The following LHFPL3 variants were observed in gnomAD, a reference collection of about 807,000 sequenced individuals.
LHFPL3 encodes LHFPL tetraspan subfamily member 3, also known as LHFPL tetraspan subfamily member 3 protein.
A neutral mutation model predicts 19.3 loss-of-function variants in LHFPL3; 5 were observed. The observed-to-expected ratio is 0.26, with a 90% CI of 0.14 to 0.54. The LOEUF is 0.54. LHFPL3 is among the 20% of genes least tolerant of loss of function. The pLI, the probability that LHFPL3 is intolerant of heterozygous loss-of-function variation, is 0.94. For missense variants in LHFPL3, 249 were observed against 307.4 expected, an observed-to-expected ratio of 0.81 and a Z score of 1.42; for synonymous variants, 133 against 126.2, an observed-to-expected ratio of 1.05 and a Z score of -0.36.
chr7:104,862,040 G>A (rs1024923322), intron 2 of LHFPL3, among the ~76,000 whole-genome samples: 3 of 152,092 alleles, frequency 2.0e-5, no homozygotes, highest in Admixed American at 6.5e-5. Context: ...TCTGGCAAGC[G>A]ATGCTGCCGA....
At chr7:104,532,549 G>C (rs1322066697) in intron 1 of LHFPL3, among the ~76,000 whole-genome samples, 1 of 151,702 alleles carries the variant, frequency 6.6e-6, no homozygotes, top group Admixed American at 6.6e-5. Flanking sequence ...TTCTCCCTCT[G>C]ACCCTGGGGA....
chr7:104,433,223 C>G (rs1249615126), intron 1 of LHFPL3, among the ~76,000 whole-genome samples: 1 of 152,158 alleles, frequency 6.6e-6, no homozygotes, highest in Non-Finnish European at 1.5e-5. Flanking sequence ...GCCATCAGAA[C>G]AGACCAATGA....
At chr7:104,608,552 C>T (rs971485500) in intron 1 of LHFPL3, among the ~76,000 whole-genome samples, 6 of 150,454 alleles carry the variant, frequency 4.0e-5, no homozygotes, top group South Asian at 2.1e-4. Flanking sequence ...TGCTAAATGA[C>T]GAGTTAATGG....
intron 1 of LHFPL3, among the ~76,000 whole-genome samples, chr7:104,526,450 T>G (rs1241222398): frequency 6.6e-6 from 1 of 152,226 alleles, no homozygotes; most frequent in South Asian, 2.1e-4. Flanking sequence ...ATCCAAGCTC[T>G]GTAGTTACAA....
At chr7:104,861,516 G>A (rs934212818) in intron 2 of LHFPL3, among the ~76,000 whole-genome samples, 1 of 152,136 alleles carries the variant, frequency 6.6e-6, no homozygotes, top group African/African-American at 2.4e-5. Flanking sequence ...AACCTTGGAG[G>A]ATGACAGGGC....
At chr7:104,882,665 G>T (rs1192241861) in intron 2 of LHFPL3, among the ~76,000 whole-genome samples, 1 of 152,170 alleles carries the variant, frequency 6.6e-6, no homozygotes, top group Non-Finnish European at 1.5e-5. Flanking sequence ...CTGACAGTAG[G>T]TATGGGGTTT....
At chr7:104,787,904 G>A (rs1208179234) in intron 2 of LHFPL3, among the ~76,000 whole-genome samples, 1 of 152,094 alleles carries the variant, frequency 6.6e-6, no homozygotes, top group African/African-American at 2.4e-5. Context: ...ACCTCCCAAG[G>A]CCCACCCCCT....
chr7:104,800,853 A>G (rs539595502), intron 2 of LHFPL3, among the ~76,000 whole-genome samples: 1 of 152,180 alleles, frequency 6.6e-6, no homozygotes, highest in Non-Finnish European at 1.5e-5. Flanking sequence ...ACAGGAGGCA[A>G]AGTGCAATAA....
intron 1 of LHFPL3, among the ~76,000 whole-genome samples, chr7:104,688,402 T>C (rs2116121656): frequency 6.6e-6 from 1 of 152,198 alleles, no homozygotes; most frequent in East Asian, 1.9e-4. Flanking sequence ...GAAAGGGAAA[T>C]GCTCAGTCTT....
Position 104,817,994 on chromosome 7 carries a change from C to T in LHFPL3, c.682+81083C>T, listed in dbSNP as rs552985329. Among the ~76,000 whole-genome samples, 74 of 152,168 alleles carry T rather than the reference C, an allele frequency of 4.9e-4. 1 individual carries two copies. Among genetic ancestry groups the T allele is most frequent in the African/African-American group, 1.6e-3 (65 of 41,446 alleles). ...ACATTTCAAGTGCTCCATAGGTACA[C>T]GTGACTAGTGTCTACCGTATTGGAC... On this transcript the variant is annotated intron_variant, in intron 2 of 2. Transcript: ENST00000424859.
chr7:104,795,847 C>T lies in LHFPL3; in HGVS notation c.682+58936C>T, dbSNP rs531900152. Among the ~76,000 whole-genome samples the T allele has an allele frequency of 2.0e-5, 3 of 152,292 alleles. No homozygotes were observed. The East Asian group carries it at 5.8e-4, about 29-fold the overall frequency. On this transcript the variant is annotated intron_variant, in intron 2 of 2. Coordinates refer to ENST00000424859, the MANE Select transcript of LHFPL3 (RefSeq NM_199000.3). ...CTTGTCCCTGACTTCCCCCAAACTACTTGAGTAAGTTACTTTGGCATAGCT... is the reference window on the plus strand; with the variant it reads ...CTTGTCCCTGACTTCCCCCAAACTATTTGAGTAAGTTACTTTGGCATAGCT...
intron 2 of LHFPL3, among the ~76,000 whole-genome samples, chr7:104,831,226 T>TAAC (rs1790948153): frequency 5.0e-4 from 1 of 2,014 alleles, no homozygotes; most frequent in South Asian, 0.071. Context: ...CTTTTATTCT[T>TAAC]AATAAAATGT....
At chr7:104,767,552 T>C (rs1233083891) in intron 2 of LHFPL3, among the ~76,000 whole-genome samples, 5 of 152,242 alleles carry the variant, frequency 3.3e-5, no homozygotes, top group African/African-American at 9.6e-5. Flanking sequence ...TGTACACTTT[T>C]CTTCTTTTAT....
chr7:104,792,170 G>T (rs965425306), intron 2 of LHFPL3, among the ~76,000 whole-genome samples: 18 of 152,260 alleles, frequency 1.2e-4, no homozygotes, highest in East Asian at 5.8e-4. Flanking sequence ...AAAGGCAAAG[G>T]CTTGCTCCCT....
In LHFPL3 at chr7:104,334,789, T is replaced by C. The variant is rs560096862; in HGVS notation, c.445+5565T>C. ...TACAGCATTGGGAGATAATCATATC[T>C]CAGGCTTCAGCAAATTTTCCCTTAC... is the stretch of plus-strand genomic sequence containing the variant. On this transcript the variant is annotated intron_variant, in intron 1 of 2. Coordinates refer to ENST00000424859, the MANE Select transcript of LHFPL3 (RefSeq NM_199000.3). 2.0e-5 allele frequency among the ~76,000 whole-genome samples: 3 copies of C among 152,254 alleles called. No individual in the cohort carries two copies. In the South Asian group the frequency reaches 6.2e-4, roughly 32 times the overall value.
rs138509755 is a variant in LHFPL3, at chr7:104,533,366, C to T, written c.446-203309C>T. On this transcript the variant is annotated intron_variant, in intron 1 of 2. Transcript: ENST00000424859. ...GAGTACTTATCCATTTACAGTTCCC[C>T]ACTTCCATTCTTTGTCTTCTGTTCC... is the stretch of plus-strand genomic sequence containing the variant. 9.2e-5 allele frequency among the ~76,000 whole-genome samples: 14 copies of T among 152,270 alleles called. No individual in the cohort carries two copies. The East Asian group carries it at 2.7e-3, about 29-fold the overall frequency.
chr7:104,758,344 G>A (rs546227611), intron 2 of LHFPL3, among the ~76,000 whole-genome samples: 19 of 151,910 alleles, frequency 1.3e-4, no homozygotes, highest in Non-Finnish European at 2.1e-4. Context: ...ATGTACCCCC[G>A]AATCTAAAAT....
At chr7:104,668,963 A>G (rs6978579) in intron 1 of LHFPL3, 507,722 of 1,611,910 alleles carry the variant, frequency 0.31, 81,701 homozygotes, top group Non-Finnish European at 0.33. Context: ...CCAAGCTGGC[A>G]AAGTGAAGAA....
intron 2 of LHFPL3, among the ~76,000 whole-genome samples, chr7:104,855,260 G>C (rs1791481929): frequency 6.6e-6 from 1 of 152,126 alleles, no homozygotes; most frequent in South Asian, 2.1e-4. Context: ...GCCCAGACTG[G>C]GGGAGCTTAA....
Sources: allele counts gnomAD v4.1 joint callset (sites outside exome capture counted in the v4.1 genomes callset), GRCh38; gene constraint gnomAD v4.1.1; transcripts MANE v1.5; gene names NCBI Gene and HGNC (gene_info 2026-07-23, HGNC 2026-07-21).